ELMO2: variants seen among roughly 807,000 people sequenced by gnomAD.
ELMO2 encodes engulfment and cell motility protein 2.
ELMO2 carries 37 observed loss-of-function variants against 96.2 expected under a neutral mutation model. The observed-to-expected ratio is 0.38, with a 90% CI of 0.30 to 0.51. ELMO2 has a LOEUF of 0.51. Ranked by LOEUF, ELMO2 falls within the 20% of genes least tolerant of loss-of-function variation. The probability of loss-of-function intolerance (pLI) is 0.88; values close to 1 mark genes in which losing one functional copy is unlikely to be tolerated. For synonymous variants in ELMO2, 315 were observed against 329.4 expected, an observed-to-expected ratio of 0.96 and a Z score of 0.47; for missense variants, 561 against 912.6, an observed-to-expected ratio of 0.61 and a Z score of 4.96.
At chr20:46,395,696 G>A (rs1306233420) in intron 2 of ELMO2, among the ~76,000 whole-genome samples, 1 of 152,134 alleles carries the variant, frequency 6.6e-6, no homozygotes, top group Non-Finnish European at 1.5e-5. Flanking sequence ...CAAGCCCATC[G>A]GCCTCAGAAA....
chr20:46,399,672 A>G (rs1394081589), intron 1 of ELMO2, among the ~76,000 whole-genome samples: 2 of 152,296 alleles, frequency 1.3e-5, no homozygotes, highest in South Asian at 4.1e-4. Context: ...GCAGTCTCAT[A>G]ACCTAGCACA....
rs560772991 is a variant in ELMO2, at chr20:46,387,575, T to C, written c.426-138A>G. 1.3e-4 allele frequency: 74 copies of C among 572,902 alleles called. No homozygotes were observed. The African/African-American group carries it at 1.3e-3, about 10-fold the overall frequency. The allele number at this position is 572,902 out of a possible 1,614,324, so 35.5% of individuals were successfully genotyped here. ...CAGTCGATGCAACTGTAACTGTAAG[T>C]GCCTGTGTGCACACCTAGCCAGTGT... On this transcript the variant is annotated intron_variant, in intron 7 of 21. Coordinates refer to ENST00000290246, the MANE Select transcript of ELMO2 (RefSeq NM_133171.5).
intron 10 of ELMO2, 33 bp from the exon 11 acceptor site, chr20:46,380,336 G>A (rs2059933676): frequency 1.3e-6 from 2 of 1,588,670 alleles, no homozygotes; most frequent in African/African-American, 2.7e-5. Flanking sequence ...ATAAGGCAGG[G>A]TGGCAGGCAC....
At chr20:46,398,281 G>A (rs58899661) in intron 2 of ELMO2, among the ~76,000 whole-genome samples, 245 of 152,214 alleles carry the variant, frequency 1.6e-3, no homozygotes, top group African/African-American at 5.6e-3. Flanking sequence ...ATATCTAGTA[G>A]TAACGTACAG....
intron 9 of ELMO2, among the ~76,000 whole-genome samples, chr20:46,384,690 G>A (rs1288026140): frequency 6.6e-6 from 1 of 152,026 alleles, no homozygotes; most frequent in Non-Finnish European, 1.5e-5. Context: ...CAGGCATGGT[G>A]ACTCACACCT....
At position 46,403,100 on chromosome 20, in the gene ELMO2, G is replaced by A. The variant is rs144800590; in HGVS notation, c.-126+3448C>T. Among the ~76,000 whole-genome samples the A allele has an allele frequency of 1.7e-4, 26 of 152,310 alleles. No individual in the cohort carries two copies. In the East Asian group the frequency reaches 2.3e-3, roughly 14 times the overall value. ...TAAGCATAATAGCAGAATTCTAACC[G>A]TGTGAACCTGAAGAAACTGCAAAAG... is the stretch of plus-strand genomic sequence containing the variant. On this transcript the variant is annotated intron_variant, in intron 1 of 21. Coordinates refer to ENST00000290246, the MANE Select transcript of ELMO2 (RefSeq NM_133171.5).
chr20:46,379,965 A>G (rs2059926690), intron 11 of ELMO2: 1 of 282,934 alleles, frequency 3.5e-6, no homozygotes, highest in Non-Finnish European at 6.7e-6. Flanking sequence ...CTATTTTAAC[A>G]TATTCCCTCT....
chr20:46,394,216 G>A (rs2060206025), intron 3 of ELMO2, 127 bp from the exon 4 acceptor site: 1 of 1,132,844 alleles, frequency 8.8e-7, no homozygotes, highest in East Asian at 2.5e-5. Context: ...AACAGCTTTT[G>A]TTGAAGAGGA....
chr20:46,396,660 C>A (rs1336455896), intron 2 of ELMO2, among the ~76,000 whole-genome samples: 1 of 152,154 alleles, frequency 6.6e-6, no homozygotes, highest in Non-Finnish European at 1.5e-5. Flanking sequence ...AGTTTGGCTT[C>A]TTCTTATTTT....
chr20:46,377,465 C>T (rs1462815482), intron 11 of ELMO2, among the ~76,000 whole-genome samples: 1 of 98,604 alleles, frequency 1.0e-5, no homozygotes, highest in Non-Finnish European at 2.3e-5. Flanking sequence ...CTCCAGTGCT[C>T]TCTCCTTTTT....
chr20:46,372,119 A>T (rs1211762209), intron 16 of ELMO2, 150 bp from the exon 17 acceptor site: 7 of 848,094 alleles, frequency 8.3e-6, no homozygotes, highest in Non-Finnish European at 1.3e-5. Context: ...ATACCTTCTT[A>T]GATGGTTATT....
chr20:46,405,216 A>C (rs536451349), intron 1 of ELMO2, among the ~76,000 whole-genome samples: 122 of 152,340 alleles, frequency 8.0e-4, no homozygotes, highest in South Asian at 4.1e-3. Context: ...AAGTGTTGTT[A>C]AGGACAAGTA....
At chr20:46,393,933 C>A in intron 4 of ELMO2, 116 bp downstream of exon 4, 1 of 1,354,674 alleles carries the variant, frequency 7.4e-7, no homozygotes. Flanking sequence ...ATTCCCAAGA[C>A]CCCCATGCTG....
chr20:46,402,377 GATT>G (rs2060351175), intron 1 of ELMO2, among the ~76,000 whole-genome samples: 1 of 152,166 alleles, frequency 6.6e-6, no homozygotes, highest in Admixed American at 6.5e-5. Context: ...ACTGACTGAG[GATT>G]ATTAATTGCC....
In ELMO2 at chr20:46,371,773, T is replaced by G; in HGVS notation, c.1580+33A>C. 6.2e-7 allele frequency: 1 copy of G among 1,613,528 alleles called. No individual in the cohort carries two copies. Among genetic ancestry groups the G allele is most frequent in the East Asian group, 2.2e-5 (1 of 44,858 alleles). ...AAGGAAAGCAGAGCTGGCAGCCACC[T>G]CCCCCGCCAGCCTCCCCTGAGATGG... On this transcript the variant is annotated intron_variant, in intron 17 of 21. Coordinates refer to ENST00000290246, the MANE Select transcript of ELMO2 (RefSeq NM_133171.5). This position sits in a 1 kb window ranked among gnomAD's most constrained non-coding sequence, Gnocchi z 5.9.
intron 5 of ELMO2, 136 bp downstream of exon 5, chr20:46,393,393 A>C: frequency 9.4e-7 from 1 of 1,061,212 alleles, no homozygotes. Flanking sequence ...GGTGTTTCCC[A>C]GTCTGTCCGG....
At position 46,393,151 on chromosome 20, in the gene ELMO2, G is replaced by A; in HGVS notation, c.193-8C>T. 1 of 1,613,726 alleles carries A rather than the reference G, an allele frequency of 6.2e-7. No homozygotes were observed. Among genetic ancestry groups the A allele is most frequent in the Non-Finnish European group, 8.5e-7 (1 of 1,179,696 alleles). On this transcript the variant is annotated splice_polypyrimidine_tract_variant and splice_region_variant and intron_variant, in intron 5 of 21. Transcript: ENST00000290246. ...CTTAATGTCACTGCGAGTCTGGGTA[G>A]TGAAAAATAAACAAAAAAAGTAACT... is the stretch of plus-strand genomic sequence containing the variant.
At chr20:46,393,018 C>T in intron 6 of ELMO2, 75 bp downstream of exon 6, 1 of 1,295,964 alleles carries the variant, frequency 7.7e-7, no homozygotes, top group Non-Finnish European at 1.1e-6. Context: ...ATTTCTAGAA[C>T]AGAGTCTGGC....
chr20:46,376,993 AAC>A (rs756343972), intron 11 of ELMO2: 59 of 363,882 alleles, frequency 1.6e-4, no homozygotes, highest in Non-Finnish European at 2.9e-4. Flanking sequence ...CACTTCCATT[AAC>A]AGAGTTCTAC....
Sources: allele counts gnomAD v4.1 joint callset (sites outside exome capture counted in the v4.1 genomes callset), GRCh38; gene constraint gnomAD v4.1.1; non-coding constraint Gnocchi (gnomAD v3.1); transcripts MANE v1.5; gene names NCBI Gene and HGNC (gene_info 2026-07-23, HGNC 2026-07-21).